Variants in RAB3C observed in about 807,000 individuals in gnomAD.
RAB3C encodes the protein ras-related protein Rab-3C.
A neutral mutation model predicts 26.4 loss-of-function variants in RAB3C; 17 were observed. That is an observed-to-expected ratio of 0.64 (90% CI 0.44 to 0.97). The LOEUF is 0.97. Among genes scored for constraint, RAB3C ranks in the 50% least tolerant of loss-of-function variants. The probability of loss-of-function intolerance (pLI) is 0.00; values close to 1 mark genes in which losing one functional copy is unlikely to be tolerated. For missense variants in RAB3C, 242 were observed against 281.9 expected (o/e 0.86, Z 1.01); for synonymous variants, 91 against 95.9 (o/e 0.95, Z 0.30).
At chr5:58,633,871 G>A (rs1052285627) in intron 2 of RAB3C, among the ~76,000 whole-genome samples, 2 of 151,946 alleles carry the variant, frequency 1.3e-5, no homozygotes, top group African/African-American at 2.4e-5. Context: ...GGTGGCTCAC[G>A]CCTATAATCC....
At chr5:58,612,518 G>GTGTGTGTGTGTGTATATATATA (rs1242197761) in intron 1 of RAB3C, among the ~76,000 whole-genome samples, 6 of 40,570 alleles carry the variant, frequency 1.5e-4, no homozygotes, top group East Asian at 2.1e-3. Flanking sequence ...GTGTGTGTGT[G>GTGTGTGTGTGTGTATATATATA]TGTATATATA....
intron 3 of RAB3C, among the ~76,000 whole-genome samples, chr5:58,763,543 C>G (rs1474014992): frequency 2.0e-5 from 3 of 152,138 alleles, no homozygotes; most frequent in Non-Finnish European, 4.4e-5. Context: ...CTGAGGCAGT[C>G]TCCTCACCTG....
intron 2 of RAB3C, among the ~76,000 whole-genome samples, chr5:58,686,988 T>C (rs529644015): frequency 1.3e-5 from 2 of 152,140 alleles, no homozygotes; most frequent in Non-Finnish European, 2.9e-5. Context: ...AACTTTCCAT[T>C]TTAAAACCTC....
intron 2 of RAB3C, among the ~76,000 whole-genome samples, chr5:58,667,740 A>G (rs1446014710): frequency 7.2e-6 from 1 of 138,302 alleles, no homozygotes; most frequent in Non-Finnish European, 1.5e-5. Context: ...CAAAAGCTCT[A>G]AGAAGAATCA....
chr5:58,709,017 A>G (rs1749006575), intron 2 of RAB3C, among the ~76,000 whole-genome samples: 1 of 152,178 alleles, frequency 6.6e-6, no homozygotes. Context: ...TTCACACATA[A>G]ATCAATATAG....
At position 58,853,758 on chromosome 5, in the gene RAB3C, C is replaced by T. The variant is rs1335743976; in HGVS notation, c.*2407C>T. On this transcript the variant is annotated 3_prime_UTR_variant, in exon 5 of 5. Coordinates refer to ENST00000282878, the MANE Select transcript of RAB3C (RefSeq NM_138453.4). ...TTTCTAAACCCCAATGGAAGTGAGG[C>T]CTTTTTCATTGATTCTCAGTTCTGA... 6.6e-6 allele frequency: 1 copy of T among 152,086 alleles called. No individual in the cohort carries two copies. Among genetic ancestry groups the T allele is most frequent in the Non-Finnish European group, 1.5e-5 (1 of 68,020 alleles). 9.4% of individuals were successfully genotyped at this position (152,086 alleles called of 1,614,324 possible). A position where few individuals can be genotyped will look rare whatever the true frequency, so the allele number is the denominator to read the frequency against.
chr5:58,822,839 G>A (rs769264983), intron 3 of RAB3C: 4 of 632,904 alleles, frequency 6.3e-6, no homozygotes, highest in Non-Finnish European at 1.2e-5. Flanking sequence ...CGGGCTTCTC[G>A]GTAGGTTTGG....
intron 2 of RAB3C, among the ~76,000 whole-genome samples, chr5:58,697,766 T>C (rs563488020): frequency 4.3e-4 from 66 of 152,154 alleles, no homozygotes; most frequent in African/African-American, 1.5e-3. Flanking sequence ...TTTTGTTTTC[T>C]ATTTGCTTGG....
intron 3 of RAB3C, among the ~76,000 whole-genome samples, chr5:58,801,484 C>T (rs994267168): frequency 1.3e-5 from 2 of 152,202 alleles, no homozygotes; most frequent in African/African-American, 2.4e-5. Flanking sequence ...AAAATCCAGC[C>T]AATCACTAAA....
At chr5:58,710,848 A>C (rs534924390) in intron 2 of RAB3C, among the ~76,000 whole-genome samples, 2 of 152,202 alleles carry the variant, frequency 1.3e-5, no homozygotes, top group Admixed American at 1.3e-4. Flanking sequence ...TCTGATTTCT[A>C]CATTTTCATT....
chr5:58,801,051 G>T (rs957399755), intron 3 of RAB3C, among the ~76,000 whole-genome samples: 6 of 152,076 alleles, frequency 3.9e-5, no homozygotes, highest in South Asian at 2.1e-4. Context: ...AAAAGCCCCC[G>T]CCCCAAAAGA....
intron 2 of RAB3C, among the ~76,000 whole-genome samples, chr5:58,674,771 A>G (rs1309757879): frequency 2.0e-5 from 3 of 152,210 alleles, no homozygotes; most frequent in African/African-American, 4.8e-5. Flanking sequence ...GAAGGTAAAG[A>G]CACAAAGTAT....
At chr5:58,666,162 T>TC (rs1747998220) in intron 2 of RAB3C, among the ~76,000 whole-genome samples, 2 of 152,326 alleles carry the variant, frequency 1.3e-5, no homozygotes, top group African/African-American at 4.8e-5. Context: ...ACAGCTATAA[T>TC]TATTTGGTTA....
At chr5:58,613,934 A>G (rs1472626493) in intron 1 of RAB3C, among the ~76,000 whole-genome samples, 1 of 152,058 alleles carries the variant, frequency 6.6e-6, no homozygotes, top group Non-Finnish European at 1.5e-5. Flanking sequence ...AGTTCTCTCT[A>G]TGCTGTAAAG....
At chr5:58,755,776 C>G (rs924728768) in intron 3 of RAB3C, among the ~76,000 whole-genome samples, 1 of 152,206 alleles carries the variant, frequency 6.6e-6, no homozygotes, top group African/African-American at 2.4e-5. Flanking sequence ...CTGCTGAGTA[C>G]TAGGCAATAG....
At chr5:58,700,202 C>T (rs892932173) in intron 2 of RAB3C, among the ~76,000 whole-genome samples, 1 of 152,118 alleles carries the variant, frequency 6.6e-6, no homozygotes, top group Non-Finnish European at 1.5e-5. Context: ...AGTAAGTGCT[C>T]AGGAAATGTT....
rs532354805 is a variant in RAB3C at position 58,729,993 on chromosome 5, A to G, written c.371+3873A>G. ...ATGATCTAAAGTACTAAACAGAATT[A>G]CATCCTGATTTCCCAGCAAAAAATA... On this transcript the variant is annotated intron_variant, in intron 3 of 4. Coordinates refer to ENST00000282878, the MANE Select transcript of RAB3C (RefSeq NM_138453.4). 2.0e-5 allele frequency among the ~76,000 whole-genome samples: 3 copies of G among 150,212 alleles called. No homozygotes were observed. In the South Asian group the frequency reaches 6.2e-4, roughly 31 times the overall value.
chr5:58,629,083 A>T (rs963971143), intron 2 of RAB3C, among the ~76,000 whole-genome samples: 3 of 149,680 alleles, frequency 2.0e-5, no homozygotes, highest in South Asian at 2.1e-4. Flanking sequence ...TATTTATTTA[A>T]TTTTTAAAAA....
At chr5:58,733,361 A>G (rs1741067022) in intron 3 of RAB3C, among the ~76,000 whole-genome samples, 1 of 152,202 alleles carries the variant, frequency 6.6e-6, no homozygotes, top group Non-Finnish European at 1.5e-5. Flanking sequence ...TTAGATGGCT[A>G]TAAACAATCA....
Sources: gnomAD v4.1 joint callset for allele counts (sites outside exome capture counted in the v4.1 genomes callset) on GRCh38, gnomAD v4.1.1 for gene constraint, MANE v1.5 for transcripts, NCBI Gene and HGNC (gene_info 2026-07-23, HGNC 2026-07-21) for gene names.